The following ZNF385D variants were observed in gnomAD, a reference collection of about 807,000 sequenced individuals.
The protein encoded by ZNF385D is zinc finger protein 659.
ZNF385D carries 15 observed loss-of-function variants against 35.8 expected under a neutral mutation model. That is an observed-to-expected ratio of 0.42 (90% CI 0.28 to 0.64). The LOEUF is 0.64. Ranked by LOEUF, ZNF385D falls within the 30% of genes least tolerant of loss-of-function variation. The pLI is 0.23. For missense variants in ZNF385D, 474 were observed against 494.6 expected, an observed-to-expected ratio of 0.96 and a Z score of 0.39; for synonymous variants, 212 against 186.8, an observed-to-expected ratio of 1.13 and a Z score of -1.10.
chr3:22,139,435 AT>A (rs761537945), intron 3 of ZNF385D, among the ~76,000 whole-genome samples: 29 of 152,158 alleles, frequency 1.9e-4, no homozygotes, highest in Non-Finnish European at 3.7e-4. Flanking sequence ...CTATGCAGCC[AT>A]AAAAAACGAT....
At chr3:21,895,717 G>C (rs979749510) in intron 3 of ZNF385D, among the ~76,000 whole-genome samples, 2 of 151,952 alleles carry the variant, frequency 1.3e-5, no homozygotes, top group Admixed American at 1.3e-4. Context: ...GGACCGGTTG[G>C]AGTGGGAAGT....
intron 3 of ZNF385D, among the ~76,000 whole-genome samples, chr3:21,790,767 T>C (rs921491033): frequency 3.9e-5 from 6 of 152,252 alleles, no homozygotes; most frequent in Admixed American, 1.3e-4. Flanking sequence ...TCTCTCCATA[T>C]GAGAATTAAG....
intron 2 of ZNF385D, among the ~76,000 whole-genome samples, chr3:22,265,709 T>A (rs146234942): frequency 6.6e-6 from 1 of 152,024 alleles, no homozygotes; most frequent in Middle Eastern, 3.4e-3. Flanking sequence ...GGCTTGAATA[T>A]CAACCTTCCT....
intron 3 of ZNF385D, among the ~76,000 whole-genome samples, chr3:21,874,293 GTCT>G (rs1697848897): frequency 6.6e-6 from 1 of 151,918 alleles, no homozygotes; most frequent in Admixed American, 6.6e-5. Flanking sequence ...CAATTTGTAT[GTCT>G]TCTTTGGAAA....
At chr3:21,508,761 C>T (rs1490718722) in intron 4 of ZNF385D, among the ~76,000 whole-genome samples, 1 of 152,166 alleles carries the variant, frequency 6.6e-6, no homozygotes, top group Non-Finnish European at 1.5e-5. Flanking sequence ...TGATACTAAA[C>T]TTCTACACTT....
intron 2 of ZNF385D, among the ~76,000 whole-genome samples, chr3:22,229,675 T>C (rs1289372213): frequency 2.0e-5 from 3 of 152,144 alleles, no homozygotes; most frequent in Admixed American, 6.5e-5. Context: ...GTCAAAGGGA[T>C]TGAGAGTTCT....
intron 3 of ZNF385D, among the ~76,000 whole-genome samples, chr3:21,924,794 C>T (rs970904770): frequency 6.6e-6 from 1 of 152,030 alleles, no homozygotes; most frequent in Non-Finnish European, 1.5e-5. Context: ...GCCAGAACTC[C>T]CCCTCCCACA....
At chr3:21,827,976 C>G (rs1694754719) in intron 3 of ZNF385D, among the ~76,000 whole-genome samples, 1 of 152,152 alleles carries the variant, frequency 6.6e-6, no homozygotes, top group Non-Finnish European at 1.5e-5. Context: ...TACTATGAGT[C>G]AGTTGTGTTG....
intron 2 of ZNF385D, among the ~76,000 whole-genome samples, chr3:21,625,762 T>G (rs979540293): frequency 6.6e-6 from 1 of 152,088 alleles, no homozygotes; most frequent in Non-Finnish European, 1.5e-5. Context: ...ACTAAAACTT[T>G]AGTTTTATAT....
intron 3 of ZNF385D, among the ~76,000 whole-genome samples, chr3:21,877,451 T>C (rs1698038307): frequency 6.6e-6 from 1 of 152,080 alleles, no homozygotes; most frequent in South Asian, 2.1e-4. Flanking sequence ...ATTAGAAGGA[T>C]GACAGCAGTG....
intron 3 of ZNF385D, among the ~76,000 whole-genome samples, chr3:21,892,638 A>C (rs929641885): frequency 3.9e-5 from 6 of 152,188 alleles, no homozygotes; most frequent in African/African-American, 1.4e-4. Flanking sequence ...GGAGCTAAAC[A>C]TAGGTCTTTA....
intron 2 of ZNF385D, among the ~76,000 whole-genome samples, chr3:21,641,987 C>A (rs976982547): frequency 6.6e-6 from 1 of 152,128 alleles, no homozygotes; most frequent in Non-Finnish European, 1.5e-5. Flanking sequence ...GAGGCTCCTT[C>A]TTCCCTTTTC....
chr3:22,083,659 T>G (rs776413420), intron 3 of ZNF385D, among the ~76,000 whole-genome samples: 1 of 152,116 alleles, frequency 6.6e-6, no homozygotes, highest in Non-Finnish European at 1.5e-5. Context: ...AAACACTCTG[T>G]AGGATATTAT....
chr3:21,753,697 A>C (rs912484550), upstream of ZNF385D, among the ~76,000 whole-genome samples: 1 of 152,154 alleles, frequency 6.6e-6, no homozygotes, highest in African/African-American at 2.4e-5. Context: ...TTAATTGTAT[A>C]CTTTTTCCTG....
chr3:21,699,269 A>G (rs996699488), intron 1 of ZNF385D, among the ~76,000 whole-genome samples: 2 of 152,138 alleles, frequency 1.3e-5, no homozygotes, highest in African/African-American at 4.8e-5. Flanking sequence ...GTTCTCACTC[A>G]TAAGTGGGAG....
chr3:22,287,563 A>G (rs1702089576), intron 2 of ZNF385D, among the ~76,000 whole-genome samples: 1 of 151,958 alleles, frequency 6.6e-6, no homozygotes, highest in Non-Finnish European at 1.5e-5. Flanking sequence ...GAGGCTTACA[A>G]AAAGCACCTC....
chr3:22,075,839 T>C (rs957048287), intron 3 of ZNF385D, among the ~76,000 whole-genome samples: 3 of 151,926 alleles, frequency 2.0e-5, no homozygotes, highest in Admixed American at 1.3e-4. Context: ...TTCAAATGCA[T>C]AAATGAGTTC....
chr3:21,548,596 A>G (rs1210848139), intron 3 of ZNF385D, among the ~76,000 whole-genome samples: 1 of 152,208 alleles, frequency 6.6e-6, no homozygotes. Context: ...TACTTACGGT[A>G]TTAGTAATGT....
intron 3 of ZNF385D, among the ~76,000 whole-genome samples, chr3:21,981,578 A>G (rs752718368): frequency 1.1e-4 from 17 of 152,066 alleles, no homozygotes; most frequent in Non-Finnish European, 1.6e-4. Context: ...CAGATCCCAC[A>G]TTTCAACTTT....
Sources: allele counts gnomAD v4.1 joint callset (sites outside exome capture counted in the v4.1 genomes callset), GRCh38; gene constraint gnomAD v4.1.1; transcripts MANE v1.5; gene names NCBI Gene and HGNC (gene_info 2026-07-23, HGNC 2026-07-21).